Variants in CCSER1 observed in about 807,000 individuals in gnomAD.
CCSER1 encodes the protein coiled-coil serine rich protein 1.
In CCSER1, 41 loss-of-function variants were observed where a neutral mutation model predicts 82.0. The ratio of observed to expected loss-of-function variants is 0.50; its 90% CI spans 0.39 to 0.65. CCSER1 has a LOEUF of 0.65. Ranked by LOEUF, CCSER1 falls within the 30% of genes least tolerant of loss-of-function variation. The pLI is 0.00. For synonymous variants in CCSER1, 414 were observed against 383.9 expected (o/e 1.08, Z -0.92); for missense variants, 1,119 against 1,064.2 (o/e 1.05, Z -0.72).
At chr4:90,457,573 C>G (rs2153581629) in intron 4 of CCSER1, among the ~76,000 whole-genome samples, 1 of 152,310 alleles carries the variant, frequency 6.6e-6, no homozygotes, top group East Asian at 1.9e-4. Context: ...CTGTTCAGCT[C>G]TCAGCTGAGA....
intron 1 of CCSER1, among the ~76,000 whole-genome samples, chr4:90,217,400 T>C (rs1158041090): frequency 6.6e-6 from 1 of 152,186 alleles, no homozygotes; most frequent in Non-Finnish European, 1.5e-5. Flanking sequence ...GGTTTCATCA[T>C]GTTGGCCAGG....
chr4:90,808,882 C>A (rs1757869800), intron 7 of CCSER1, among the ~76,000 whole-genome samples: 1 of 152,172 alleles, frequency 6.6e-6, no homozygotes, highest in South Asian at 2.1e-4. Context: ...AGCAATCTCA[C>A]TACTGGGTAT....
chr4:90,329,252 C>T (rs1738836535), intron 3 of CCSER1, among the ~76,000 whole-genome samples: 1 of 150,952 alleles, frequency 6.6e-6, no homozygotes. Context: ...TGGGAAAGGA[C>T]ACTGAACTCC....
At chr4:91,307,306 G>T (rs1196696999) in intron 10 of CCSER1, among the ~76,000 whole-genome samples, 1 of 151,700 alleles carries the variant, frequency 6.6e-6, no homozygotes, top group Non-Finnish European at 1.5e-5. Flanking sequence ...AACTGTCTTT[G>T]TAATCCTCTC....
At chr4:90,703,875 G>A (rs1305998965) in intron 6 of CCSER1, among the ~76,000 whole-genome samples, 4 of 152,100 alleles carry the variant, frequency 2.6e-5, no homozygotes, top group African/African-American at 7.2e-5. Flanking sequence ...GTCTCTGCAT[G>A]TGAGATGGGT....
intron 1 of CCSER1, among the ~76,000 whole-genome samples, chr4:90,244,492 A>T (rs1417667751): frequency 6.6e-6 from 1 of 152,346 alleles, no homozygotes; most frequent in Non-Finnish European, 1.5e-5. Flanking sequence ...CCATAAAAAA[A>T]TACCTGAGAC....
chr4:91,072,170 C>T (rs976325465), intron 9 of CCSER1, among the ~76,000 whole-genome samples: 1 of 152,100 alleles, frequency 6.6e-6, no homozygotes, highest in Non-Finnish European at 1.5e-5. Flanking sequence ...ATGAGAACTG[C>T]TAGAAAACTG....
At chr4:90,193,584 GTT>G (rs11321140) in intron 1 of CCSER1, among the ~76,000 whole-genome samples, 26 of 147,996 alleles carry the variant, frequency 1.8e-4, no homozygotes, top group African/African-American at 2.5e-4. Flanking sequence ...ATATTACCTA[GTT>G]TTTTTTTTTT....
At chr4:91,557,380 T>A (rs1023598355) in intron 10 of CCSER1, among the ~76,000 whole-genome samples, 31 of 151,518 alleles carry the variant, frequency 2.0e-4, no homozygotes, top group African/African-American at 5.8e-4. Context: ...TCTTATTTTT[T>A]AAATTCATTT....
intron 9 of CCSER1, among the ~76,000 whole-genome samples, chr4:91,019,650 G>T (rs985489315): frequency 1.4e-4 from 21 of 152,000 alleles, no homozygotes; most frequent in African/African-American, 4.3e-4. Flanking sequence ...GCTTACTGCT[G>T]GAGACAGGAA....
intron 10 of CCSER1, among the ~76,000 whole-genome samples, chr4:91,116,886 T>A (rs1726665620): frequency 6.6e-6 from 1 of 152,212 alleles, no homozygotes; most frequent in African/African-American, 2.4e-5. Flanking sequence ...GTTTAAAAAT[T>A]ACTTAAATGA....
intron 1 of CCSER1, among the ~76,000 whole-genome samples, chr4:90,217,184 G>T (rs532591126): frequency 2.6e-5 from 4 of 152,108 alleles, no homozygotes; most frequent in Admixed American, 2.0e-4. Flanking sequence ...TTTTGGTGGA[G>T]TCTTTAGACG....
At chr4:90,816,539 C>T (rs551601635) in intron 8 of CCSER1, among the ~76,000 whole-genome samples, 11 of 151,614 alleles carry the variant, frequency 7.3e-5, no homozygotes, top group Non-Finnish European at 1.5e-4. Context: ...AAAATGTGCA[C>T]TCAATATAAA....
intron 10 of CCSER1, among the ~76,000 whole-genome samples, chr4:91,594,336 CATATATATACATATATATACACAT>C (rs1187964861): frequency 3.5e-5 from 5 of 144,248 alleles, no homozygotes; most frequent in Non-Finnish European, 6.0e-5. Context: ...TATGTACACA[CATATATATACATATATATACACAT>C]ATATATACAC....
chr4:90,200,294 C>G (rs1296717832), intron 1 of CCSER1, among the ~76,000 whole-genome samples: 1 of 152,074 alleles, frequency 6.6e-6, no homozygotes, highest in Non-Finnish European at 1.5e-5. Flanking sequence ...TGAGACTGCC[C>G]TCTAAATTCT....
chr4:90,168,533 G>A (rs1730967494), intron 1 of CCSER1, among the ~76,000 whole-genome samples: 2 of 152,090 alleles, frequency 1.3e-5, no homozygotes, highest in Non-Finnish European at 2.9e-5. Flanking sequence ...TGGTGTTTTA[G>A]ACATGAAGTC....
chr4:91,390,223 GT>G (rs577339695), intron 10 of CCSER1, among the ~76,000 whole-genome samples: 8 of 151,506 alleles, frequency 5.3e-5, no homozygotes, highest in Non-Finnish European at 7.4e-5. Context: ...TTTGATAAGA[GT>G]TTTTTTTAAA....
chr4:90,360,334 C>G (rs1409757992), intron 3 of CCSER1, among the ~76,000 whole-genome samples: 2 of 149,190 alleles, frequency 1.3e-5, no homozygotes, highest in Non-Finnish European at 3.0e-5. Flanking sequence ...TGATACCATC[C>G]TGGCTAACAC....
chr4:90,907,723 C>G (rs555796050), intron 8 of CCSER1, among the ~76,000 whole-genome samples: 4 of 151,916 alleles, frequency 2.6e-5, no homozygotes, highest in Non-Finnish European at 4.4e-5. Flanking sequence ...TCACTTTTCT[C>G]TTTGTACTGT....
Sources: gnomAD v4.1 joint callset for allele counts (sites outside exome capture counted in the v4.1 genomes callset) on GRCh38, gnomAD v4.1.1 for gene constraint, MANE v1.5 for transcripts, NCBI Gene and HGNC (gene_info 2026-07-23, HGNC 2026-07-21) for gene names.